CANX: variants seen among roughly 807,000 people sequenced by gnomAD.
The protein encoded by CANX is epididymis secretory sperm binding protein.
CANX carries 14 observed loss-of-function variants against 75.7 expected under a neutral mutation model. The observed-to-expected ratio is 0.19, with a 90% CI of 0.12 to 0.29. CANX has a LOEUF of 0.29. Ranked by LOEUF, CANX falls within the 10% of genes least tolerant of loss-of-function variation. The pLI is 1.00. For synonymous variants in CANX, 227 were observed against 236.9 expected, an observed-to-expected ratio of 0.96 and a Z score of 0.38; for missense variants, 567 against 713.2, an observed-to-expected ratio of 0.79 and a Z score of 2.34.
intron 1 of CANX, among the ~76,000 whole-genome samples, chr5:179,681,553 C>T (rs1305956200): frequency 1.3e-5 from 2 of 152,066 alleles, no homozygotes; most frequent in Non-Finnish European, 2.9e-5. Context: ...ACAAATGGCA[C>T]CACAGTTAGG....
At chr5:179,689,734 G>C (rs1776268272) in intron 1 of CANX, among the ~76,000 whole-genome samples, 2 of 151,966 alleles carry the variant, frequency 1.3e-5, no homozygotes. Context: ...CCTACTCCTG[G>C]AAGTCTTTAT....
At chr5:179,720,335 G>T in intron 9 of CANX, 69 bp from the exon 10 acceptor site, 1 of 1,285,488 alleles carries the variant, frequency 7.8e-7, no homozygotes, top group South Asian at 1.3e-5. Flanking sequence ...TGGCAGCCCT[G>T]GGCCAGCCAG....
intron 1 of CANX, among the ~76,000 whole-genome samples, chr5:179,684,576 A>G (rs1024906344): frequency 8.6e-5 from 13 of 150,712 alleles, no homozygotes; most frequent in African/African-American, 1.5e-4. Context: ...TCCTGACCCC[A>G]TGATCCACCC....
chr5:179,718,536 C>CT (rs1037546673), intron 8 of CANX, among the ~76,000 whole-genome samples: 8 of 133,782 alleles, frequency 6.0e-5, no homozygotes, highest in South Asian at 2.4e-4. Flanking sequence ...CATGTTTTTT[C>CT]TTTTTTTTTG....
upstream of CANX, chr5:179,694,295 C>A: frequency 1.9e-6 from 1 of 517,120 alleles, no homozygotes; most frequent in East Asian, 3.2e-5. Context: ...AAAACCCTGT[C>A]AATTTTGCAG....
rs958473912 is a variant in CANX at position 179,689,379 on chromosome 5, G to GTTT, written c.-4+10625_-4+10627dup. On this transcript the variant is annotated intron_variant, in intron 1 of 14. Coordinates refer to the CANX transcript ENST00000681674. The stretch of plus-strand genomic sequence containing the variant: ...AAGAGAAAGCTACAAAACCCAACAA[G>GTTT]TTTTTTTTTTTTTTTTTTTTTTTTT... Among the ~76,000 whole-genome samples the GTTT allele has an allele frequency of 8.6e-3, 717 of 83,636 alleles. 55 individuals are homozygous for GTTT. The highest frequency in any genetic ancestry group is 0.03 in the African/African-American group (636 of 21,024). 54.9% of individuals were successfully genotyped at this position (83,636 alleles called of 152,430 possible). A position where few individuals can be genotyped will look rare whatever the true frequency, so the allele number is the denominator to read the frequency against.
chr5:179,679,205 C>T, intron 1 of CANX: 3 of 1,534,610 alleles, frequency 2.0e-6, no homozygotes, highest in East Asian at 4.9e-5. Flanking sequence ...GCGACTCGTG[C>T]TGCGCTCTTG....
chr5:179,694,428 G>C (rs1776354472), upstream of CANX: 1 of 664,946 alleles, frequency 1.5e-6, no homozygotes, highest in Non-Finnish European at 2.7e-6. Flanking sequence ...ACCAGCTAAG[G>C]GAGGCAAGAA....
rs149666242 is a variant in CANX at position 179,706,048 on chromosome 5, C to T, written c.171+196C>T. ...AAACATGGTGAAGATAAATTTGGAACGTTTTCAAAGGGAAAGCAAAATTCG... is the reference window on the plus strand; with the variant it reads ...AAACATGGTGAAGATAAATTTGGAATGTTTTCAAAGGGAAAGCAAAATTCG... On this transcript the variant is annotated intron_variant, in intron 2 of 14. Transcript: ENST00000247461. Among the ~76,000 whole-genome samples the T allele has an allele frequency of 8.5e-5, 13 of 152,162 alleles. No homozygotes were observed. In the East Asian group the frequency reaches 2.5e-3, roughly 29 times the overall value.
At chr5:179,679,646 C>T (rs11745394) in intron 1 of CANX, among the ~76,000 whole-genome samples, 4,024 of 152,074 alleles carry the variant, frequency 0.026, 63 homozygotes, top group Middle Eastern at 0.044. Flanking sequence ...GAGGGAAGAG[C>T]CGAGCAGGGC....
intron 1 of CANX, 52 bp from the exon 2 acceptor site, chr5:179,705,627 T>C (rs1164961612): frequency 7.3e-6 from 10 of 1,370,158 alleles, no homozygotes; most frequent in Non-Finnish European, 1.0e-5. Flanking sequence ...GTGATCTTCA[T>C]GAAGTTTGAT....
At chr5:179,711,959 G>A (rs1292844716) in intron 7 of CANX, among the ~76,000 whole-genome samples, 1 of 149,496 alleles carries the variant, frequency 6.7e-6, no homozygotes, top group East Asian at 2.0e-4. Context: ...TTAGCCGGGT[G>A]GGGTGGTGGG....
chr5:179,696,855 T>C (rs1240426368), upstream of CANX, among the ~76,000 whole-genome samples: 2 of 152,220 alleles, frequency 1.3e-5, no homozygotes, highest in Non-Finnish European at 2.9e-5. Context: ...TTTTTACAAA[T>C]TGAATGTGGC....
upstream of CANX, chr5:179,694,420 C>T (rs1458064277): frequency 1.1e-5 from 7 of 634,152 alleles, no homozygotes; most frequent in Non-Finnish European, 1.1e-5. Flanking sequence ...ATGAAGGGAC[C>T]AGCTAAGGGA....
intron 1 of CANX, among the ~76,000 whole-genome samples, chr5:179,684,288 G>C (rs950599915): frequency 6.6e-6 from 1 of 151,980 alleles, no homozygotes; most frequent in African/African-American, 2.4e-5. Context: ...TTACCGTGGT[G>C]CCTAGGCTGG....
At chr5:179,687,915 G>C (rs1776218917) in intron 1 of CANX, among the ~76,000 whole-genome samples, 1 of 151,642 alleles carries the variant, frequency 6.6e-6, no homozygotes, top group Non-Finnish European at 1.5e-5. Context: ...CACACCTGTG[G>C]TCCCAGCTAC....
rs540986417 is a variant in CANX, at chr5:179,681,462, C to T, written c.-4+2685C>T. On this transcript the variant is annotated intron_variant, in intron 1 of 14. Coordinates refer to the CANX transcript ENST00000681674. ...AGGGGGTGAGGGAAGCAAGACAGGGCGAGAAAAAGGCTAAGGCTGAGCCAG... is the reference window on the plus strand; with the variant it reads ...AGGGGGTGAGGGAAGCAAGACAGGGTGAGAAAAAGGCTAAGGCTGAGCCAG... 1.2e-4 allele frequency among the ~76,000 whole-genome samples: 18 copies of T among 152,244 alleles called. No homozygotes were observed. The South Asian group carries it at 2.3e-3, about 19-fold the overall frequency.
chr5:179,722,855 G>A lies in CANX; in HGVS notation c.1234G>A (p.Glu412Lys). Residue 412 changes from glutamate (E) to lysine (K), a missense_variant, in exon 11 of 15, where the codon GAA (glutamate) becomes AAA (lysine). By Grantham distance (56) the Glu-to-Lys change is moderately conservative. Around this residue, in one of 3 missense-constraint regions of CANX, gnomAD observed 49 missense variants for 100.1 expected, o/e 0.49. Coordinates refer to ENST00000247461, the MANE Select transcript of CANX (RefSeq NM_001746.4). ...IPNPDFFEDL[E>K]PFRMTPFSAI... ...AAATCCAGATTTCTTTGAAGATCTG[G>A]AACCTTTCAGAATGACTCCTTTTAG... is the stretch of plus-strand genomic sequence containing the variant. 3 of 1,613,946 alleles carry A rather than the reference G, an allele frequency of 1.9e-6. No homozygotes were observed. The highest frequency in any genetic ancestry group is 1.7e-6 in the Non-Finnish European group (2 of 1,179,870).
At chr5:179,694,685 C>A, upstream of CANX, 1 of 724,576 alleles carries the variant, frequency 1.4e-6, no homozygotes, top group African/African-American at 1.7e-5. Context: ...AGTTTGATGG[C>A]TCAAAGCGTC....
Sources: allele counts gnomAD v4.1 joint callset (sites outside exome capture counted in the v4.1 genomes callset), GRCh38; gene constraint gnomAD v4.1.1; regional missense constraint gnomAD v4.1.1; transcripts MANE v1.5; gene names NCBI Gene and HGNC (gene_info 2026-07-23, HGNC 2026-07-21).